Variants in PRKG1 observed in about 807,000 individuals in gnomAD.
The protein encoded by PRKG1 is protein kinase cGMP-dependent 1, also known as cGMP-dependent protein kinase 1.
PRKG1 carries 35 observed loss-of-function variants against 88.1 expected under a neutral mutation model. That is an observed-to-expected ratio of 0.40 (90% CI 0.30 to 0.53). The LOEUF (loss-of-function observed/expected upper bound fraction) is 0.53. Among genes scored for constraint, PRKG1 ranks in the 20% least tolerant of loss-of-function variants. The pLI, the probability that PRKG1 is intolerant of heterozygous loss-of-function variation, is 0.59. For synonymous variants in PRKG1, 303 were observed against 292.5 expected (o/e 1.04, Z -0.37); for missense variants, 540 against 839.8 (o/e 0.64, Z 4.41).
intron 2 of PRKG1, among the ~76,000 whole-genome samples, chr10:51,418,043 T>G (rs1838293230): frequency 6.6e-6 from 1 of 152,204 alleles, no homozygotes; most frequent in Non-Finnish European, 1.5e-5. Context: ...CAGTTTCTAT[T>G]AGTAAATGTT....
intron 1 of PRKG1, among the ~76,000 whole-genome samples, chr10:51,006,193 C>A (rs1184417273): frequency 1.3e-5 from 2 of 152,092 alleles, no homozygotes; most frequent in African/African-American, 4.8e-5. Context: ...TTATTTCTCC[C>A]AAGGCAGTTG....
chr10:51,979,410 G>GTTTTTTTT lies in PRKG1; in HGVS notation c.762+71857_762+71864dup, dbSNP rs61150252. Among the ~76,000 whole-genome samples, 173 of 47,044 alleles carry GTTTTTTTT rather than the reference G, an allele frequency of 3.7e-3. 30 individuals are homozygous for GTTTTTTTT. Among genetic ancestry groups the GTTTTTTTT allele is most frequent in the South Asian group, 7.3e-3 (5 of 684 alleles). 30.9% of individuals were successfully genotyped at this position (47,044 alleles called of 152,430 possible). Reference sequence around the variant, plus strand: ...CAATATTCATCATGGATATTGGTCTGTTTTTTTTTTTTTTTTTTTTTTTTC... The same window carrying GTTTTTTTT: ...CAATATTCATCATGGATATTGGTCTGTTTTTTTTTTTTTTTTTTTTTTTTTTTTTTTTC... On this transcript the variant is annotated intron_variant, in intron 5 of 17. Coordinates refer to ENST00000373980, the MANE Select transcript of PRKG1 (RefSeq NM_006258.4).
intron 3 of PRKG1, among the ~76,000 whole-genome samples, chr10:51,530,491 G>A (rs1841991067): frequency 6.6e-6 from 1 of 152,004 alleles, no homozygotes; most frequent in Non-Finnish European, 1.5e-5. Flanking sequence ...TACCTATCCT[G>A]CCAGGCTATT....
intron 5 of PRKG1, among the ~76,000 whole-genome samples, chr10:52,018,422 T>C (rs1345050977): frequency 6.6e-6 from 1 of 152,204 alleles, no homozygotes; most frequent in Non-Finnish European, 1.5e-5. Flanking sequence ...AAGATACAAA[T>C]TAGTTTCCTG....
intron 5 of PRKG1, among the ~76,000 whole-genome samples, chr10:52,031,927 C>T (rs1845483992): frequency 6.6e-6 from 1 of 152,032 alleles, no homozygotes; most frequent in Non-Finnish European, 1.5e-5. Flanking sequence ...ATGTGAAGCC[C>T]ACAAGGGAAA....
intron 5 of PRKG1, among the ~76,000 whole-genome samples, chr10:52,039,255 G>A (rs1845696162): frequency 1.3e-5 from 2 of 152,016 alleles, no homozygotes; most frequent in African/African-American, 4.8e-5. Context: ...ATAGGATCTG[G>A]GTAGGTAAAG....
At chr10:52,279,058 T>C (rs1841941349) in intron 12 of PRKG1, among the ~76,000 whole-genome samples, 1 of 152,172 alleles carries the variant, frequency 6.6e-6, no homozygotes, top group Admixed American at 6.6e-5. Context: ...ATATTAATTA[T>C]ATATACACAG....
At chr10:51,699,670 G>C in intron 3 of PRKG1, 1 of 1,146,984 alleles carries the variant, frequency 8.7e-7, no homozygotes, top group Non-Finnish European at 1.2e-6. Flanking sequence ...TTACTAATTC[G>C]CTTGAATCGT....
intron 8 of PRKG1, among the ~76,000 whole-genome samples, chr10:52,143,084 T>G (rs1028465593): frequency 2.0e-5 from 3 of 152,092 alleles, no homozygotes; most frequent in African/African-American, 7.2e-5. Context: ...GGGACTGGAA[T>G]AATAAGGGAT....
At chr10:51,978,331 G>A (rs894347066) in intron 5 of PRKG1, among the ~76,000 whole-genome samples, 1 of 151,300 alleles carries the variant, frequency 6.6e-6, no homozygotes, top group African/African-American at 2.4e-5. Context: ...GTCTATTTTT[G>A]TAGACAACTG....
At chr10:51,178,515 T>C (rs1328237076) in intron 2 of PRKG1, among the ~76,000 whole-genome samples, 1 of 152,082 alleles carries the variant, frequency 6.6e-6, no homozygotes, top group Non-Finnish European at 1.5e-5. Context: ...TGGGCACTTA[T>C]AATCCCAGCT....
At chr10:51,010,280 G>A (rs1405175106) in intron 1 of PRKG1, among the ~76,000 whole-genome samples, 3 of 152,244 alleles carry the variant, frequency 2.0e-5, no homozygotes, top group Non-Finnish European at 4.4e-5. Flanking sequence ...GCCATTAATG[G>A]CATCTCACTC....
At position 51,074,858 on chromosome 10, in the gene PRKG1, G is replaced by A. The variant is rs1182986254; in HGVS notation, c.268G>A (p.Asp90Asn). ...SAEPTAFDIQ[D>N]LSHVTLPFYP... Reference sequence around the variant, plus strand: ...CGAGCCCACCGCCTTCGACATCCAGGATCTCAGCCATGTGACCCTGCCCTT... The same window carrying A: ...CGAGCCCACCGCCTTCGACATCCAGAATCTCAGCCATGTGACCCTGCCCTT... The change falls in exon 1 of 18, where the codon GAT (aspartate) becomes AAT (asparagine). Residue 90 changes from aspartate (D) to asparagine (N), a missense_variant. Around this residue, in one of 5 missense-constraint regions of PRKG1, gnomAD observed 400 missense variants for 562.7 expected, o/e 0.71. Transcript: ENST00000373980. 1.2e-6 allele frequency: 2 copies of A among 1,613,204 alleles called. No homozygotes were observed. The highest frequency in any genetic ancestry group is 1.7e-5 in the Admixed American group (1 of 59,958).
At chr10:51,743,066 G>C (rs1837475751) in intron 3 of PRKG1, among the ~76,000 whole-genome samples, 1 of 151,968 alleles carries the variant, frequency 6.6e-6, no homozygotes, top group Non-Finnish European at 1.5e-5. Context: ...GAGAGAGAGA[G>C]AGAAAGGAAG....
chr10:51,895,575 C>T (rs998930091), intron 4 of PRKG1, among the ~76,000 whole-genome samples: 7 of 152,068 alleles, frequency 4.6e-5, no homozygotes, highest in African/African-American at 1.7e-4. Context: ...GCACCGGGAA[C>T]CAGAGTCCTG....
At chr10:51,969,953 T>C (rs1343840752) in intron 5 of PRKG1, among the ~76,000 whole-genome samples, 2 of 150,952 alleles carry the variant, frequency 1.3e-5, no homozygotes, top group South Asian at 2.1e-4. Context: ...ACCAAGATAA[T>C]CAATTGCTAA....
rs117781462 is a variant in PRKG1, at chr10:51,474,865, T to C, written c.592+7029T>C. Among the ~76,000 whole-genome samples the C allele has an allele frequency of 4.1e-3, 625 of 152,124 alleles. 3 individuals carry two copies. Among genetic ancestry groups the C allele is most frequent in the Non-Finnish European group, 6.3e-3 (425 of 67,926 alleles). ...ACTTCGTTGGTGAATCTGAAAAGAC[T>C]GCTTTGCTTATGAGATGTTCTTTGT... On this transcript the variant is annotated intron_variant, in intron 3 of 17. Coordinates refer to ENST00000373980, the MANE Select transcript of PRKG1 (RefSeq NM_006258.4).
At chr10:51,386,979 G>C (rs1432326079) in intron 2 of PRKG1, among the ~76,000 whole-genome samples, 1 of 152,086 alleles carries the variant, frequency 6.6e-6, no homozygotes, top group Admixed American at 6.6e-5. Context: ...ATCATAAAGA[G>C]GAGTGTCCTC....
chr10:51,278,218 G>T (rs1840184326), intron 2 of PRKG1, among the ~76,000 whole-genome samples: 1 of 152,118 alleles, frequency 6.6e-6, no homozygotes, highest in African/African-American at 2.4e-5. Context: ...TAATCATGTG[G>T]TTTTTGTCGT....
Sources: gnomAD v4.1 joint callset for allele counts (sites outside exome capture counted in the v4.1 genomes callset) on GRCh38, gnomAD v4.1.1 for gene constraint, gnomAD v4.1.1 regional missense constraint, MANE v1.5 for transcripts, NCBI Gene and HGNC (gene_info 2026-07-23, HGNC 2026-07-21) for gene names.